The following PCDH15 variants were observed in gnomAD, a reference collection of about 807,000 sequenced individuals.
PCDH15 encodes protocadherin-15.
A neutral mutation model predicts 178.5 loss-of-function variants in PCDH15; 129 were observed. The observed-to-expected ratio is 0.72, with a 90% CI of 0.63 to 0.84. The LOEUF (loss-of-function observed/expected upper bound fraction) is 0.84, where lower values mean the gene tolerates loss of function less well. Among genes scored for constraint, PCDH15 ranks in the 40% least tolerant of loss-of-function variants. The pLI, the probability that PCDH15 is intolerant of heterozygous loss-of-function variation, is 0.00. For synonymous variants in PCDH15, 800 were observed against 732.0 expected, an observed-to-expected ratio of 1.09 and a Z score of -1.50; for missense variants, 2,230 against 2,099.9, an observed-to-expected ratio of 1.06 and a Z score of -1.21.
At position 53,872,750 on chromosome 10, in the gene PCDH15, T is replaced by C. The variant is rs192581872; in HGVS notation, c.3502-5893A>G. Among the ~76,000 whole-genome samples, 5 of 152,324 alleles carry C rather than the reference T, an allele frequency of 3.3e-5. No individual in the cohort carries two copies. The East Asian group carries it at 9.6e-4, about 29-fold the overall frequency. ...CTTTCTCACTCCAGAAGTTTGCCTTTTTCTTTAGTTCACAGATTCTTTCAG... is the reference window on the plus strand; with the variant it reads ...CTTTCTCACTCCAGAAGTTTGCCTTCTTCTTTAGTTCACAGATTCTTTCAG... On this transcript the variant is annotated intron_variant, in intron 26 of 37. Transcript: ENST00000644397.
At chr10:55,280,146 T>C (rs370027692) in intron 1 of PCDH15, among the ~76,000 whole-genome samples, 1 of 152,140 alleles carries the variant, frequency 6.6e-6, no homozygotes, top group African/African-American at 2.4e-5. Flanking sequence ...AATTTCATGA[T>C]ATAGAGAGAG....
At chr10:55,425,233 A>G (rs1838723668) in intron 2 of PCDH15, among the ~76,000 whole-genome samples, 1 of 151,958 alleles carries the variant, frequency 6.6e-6, no homozygotes, top group Non-Finnish European at 1.5e-5. Context: ...TTATCATTTT[A>G]TACATATTTC....
chr10:55,171,953 C>T (rs922469578), intron 1 of PCDH15, among the ~76,000 whole-genome samples: 20 of 151,862 alleles, frequency 1.3e-4, no homozygotes, highest in African/African-American at 4.6e-4. Context: ...TTAAAAATGC[C>T]TTCTTCAAAC....
chr10:53,959,106 T>C (rs1045480255), intron 23 of PCDH15, among the ~76,000 whole-genome samples: 2 of 149,000 alleles, frequency 1.3e-5, no homozygotes, highest in African/African-American at 2.5e-5. Context: ...AACTATAATA[T>C]ATAATATTGG....
chr10:53,987,544 T>C (rs1368366304), intron 21 of PCDH15, among the ~76,000 whole-genome samples: 2 of 144,890 alleles, frequency 1.4e-5, no homozygotes, highest in Non-Finnish European at 3.0e-5. Flanking sequence ...ATAAAATGTA[T>C]GTGACTAATT....
intron 2 of PCDH15, among the ~76,000 whole-genome samples, chr10:55,597,784 T>C (rs773420612): frequency 6.6e-5 from 10 of 152,146 alleles, no homozygotes; most frequent in Non-Finnish European, 1.3e-4. Context: ...ATCCCCCTAG[T>C]ATTTCAAAAT....
At chr10:55,321,186 T>C (rs1474744567), upstream of PCDH15, among the ~76,000 whole-genome samples, 1 of 152,080 alleles carries the variant, frequency 6.6e-6, no homozygotes, top group African/African-American at 2.4e-5. Context: ...AAAAACTCAC[T>C]TCAAGAATTT....
chr10:54,256,708 C>T (rs1252629218), intron 8 of PCDH15, among the ~76,000 whole-genome samples: 1 of 152,032 alleles, frequency 6.6e-6, no homozygotes, highest in Non-Finnish European at 1.5e-5. Context: ...GTTTATTTTT[C>T]TTATTAAAAT....
intron 1 of PCDH15, among the ~76,000 whole-genome samples, chr10:55,286,063 C>A (rs1431150234): frequency 6.6e-6 from 1 of 151,910 alleles, no homozygotes; most frequent in Non-Finnish European, 1.5e-5. Context: ...ATGAAACTCT[C>A]ATTTTAAGAT....
At chr10:54,683,382 T>C (rs892450142) in intron 1 of PCDH15, among the ~76,000 whole-genome samples, 1 of 152,040 alleles carries the variant, frequency 6.6e-6, no homozygotes, top group Non-Finnish European at 1.5e-5. Flanking sequence ...CATTATTCTA[T>C]GTTATTTCTC....
At chr10:54,647,250 A>G (rs2094149079) in intron 2 of PCDH15, among the ~76,000 whole-genome samples, 1 of 152,104 alleles carries the variant, frequency 6.6e-6, no homozygotes, top group Non-Finnish European at 1.5e-5. Flanking sequence ...CAGAGAACAA[A>G]TACTGCATAC....
chr10:54,716,618 G>C (rs2095482695), intron 1 of PCDH15, among the ~76,000 whole-genome samples: 2 of 152,060 alleles, frequency 1.3e-5, no homozygotes, highest in Non-Finnish European at 2.9e-5. Context: ...TTTGTATCCT[G>C]AGACTTTGCT....
chr10:54,183,379 C>T (rs1421027483), intron 13 of PCDH15, 65 bp downstream of exon 13: 2 of 1,420,382 alleles, frequency 1.4e-6, no homozygotes, highest in South Asian at 1.1e-5. Flanking sequence ...TCTTCATGAG[C>T]ATATCGTATA....
chr10:55,554,552 G>A lies in PCDH15; in HGVS notation c.-156+73073C>T, dbSNP rs1239828577. 2.0e-5 allele frequency among the ~76,000 whole-genome samples: 3 copies of A among 151,960 alleles called. No homozygotes were observed. In the East Asian group the frequency reaches 5.8e-4, roughly 29 times the overall value. ...GACTGTGCAGGGTCACTCCTATGAA[G>A]ACATTTTTTAATCAAACACGGATCG... On this transcript the variant is annotated intron_variant, in intron 2 of 5. Transcript: ENST00000613346.
At chr10:55,330,912 A>C (rs1299834597) in intron 2 of PCDH15, among the ~76,000 whole-genome samples, 1 of 150,780 alleles carries the variant, frequency 6.6e-6, no homozygotes, top group Non-Finnish European at 1.5e-5. Flanking sequence ...ATTTTAGCTT[A>C]AGTATTAATT....
chr10:54,029,534 A>T (rs1247473488), intron 18 of PCDH15, among the ~76,000 whole-genome samples: 1 of 152,118 alleles, frequency 6.6e-6, no homozygotes, highest in Non-Finnish European at 1.5e-5. Context: ...TCAAATAAAG[A>T]CCTCACTGGA....
intron 2 of PCDH15, among the ~76,000 whole-genome samples, chr10:55,152,668 TGAG>T (rs1838764016): frequency 6.6e-6 from 1 of 152,138 alleles, no homozygotes; most frequent in African/African-American, 2.4e-5. Context: ...TGAGAGATGA[TGAG>T]AACTTGAACT....
At chr10:54,771,786 TTCCG>T (rs1949119859) in intron 1 of PCDH15, among the ~76,000 whole-genome samples, 1 of 152,130 alleles carries the variant, frequency 6.6e-6, no homozygotes, top group Non-Finnish European at 1.5e-5. Context: ...ATATTCACAC[TTCCG>T]TCTTAAAATT....
chr10:54,076,323 T>C (rs1478707058), intron 17 of PCDH15, among the ~76,000 whole-genome samples: 2 of 152,184 alleles, frequency 1.3e-5, no homozygotes. Context: ...TTGCAAAATT[T>C]CTTAGTTCCA....
Sources: allele counts gnomAD v4.1 joint callset (sites outside exome capture counted in the v4.1 genomes callset), GRCh38; gene constraint gnomAD v4.1.1; transcripts MANE v1.5; gene names NCBI Gene and HGNC (gene_info 2026-07-23, HGNC 2026-07-21).